The following SOX5 variants were observed in gnomAD, a reference collection of about 807,000 sequenced individuals.
SOX5 encodes the protein SRY-box transcription factor 5.
SOX5 carries 9 observed loss-of-function variants against 92.0 expected under a neutral mutation model. That is an observed-to-expected ratio of 0.10 (90% CI 0.06 to 0.17). SOX5 has a LOEUF of 0.17. SOX5 is among the 10% of genes least tolerant of loss of function. The probability of loss-of-function intolerance (pLI) is 1.00; values close to 1 mark genes in which losing one functional copy is unlikely to be tolerated. For synonymous variants in SOX5, 344 were observed against 336.3 expected, an observed-to-expected ratio of 1.02 and a Z score of -0.25; for missense variants, 642 against 944.5, an observed-to-expected ratio of 0.68 and a Z score of 4.20.
chr12:23,566,640 T>C (rs1195820723), intron 10 of SOX5, among the ~76,000 whole-genome samples: 2 of 152,342 alleles, frequency 1.3e-5, no homozygotes, highest in East Asian at 3.9e-4. Flanking sequence ...TTACTAGGTA[T>C]ATAAATTACA....
At chr12:24,038,380 T>C (rs1749489459) in intron 4 of SOX5, among the ~76,000 whole-genome samples, 1 of 152,184 alleles carries the variant, frequency 6.6e-6, no homozygotes, top group South Asian at 2.1e-4. Context: ...AATTGCTCTA[T>C]TGTGATTCCC....
chr12:24,208,397 C>G (rs1425512543), intron 4 of SOX5, among the ~76,000 whole-genome samples: 1 of 152,084 alleles, frequency 6.6e-6, no homozygotes, highest in Non-Finnish European at 1.5e-5. Flanking sequence ...TTATTTGAAC[C>G]CAACTTACCT....
At chr12:24,250,208 TTC>T (rs1939755356) in intron 3 of SOX5, among the ~76,000 whole-genome samples, 1 of 152,248 alleles carries the variant, frequency 6.6e-6, no homozygotes, top group South Asian at 2.1e-4. Context: ...AAAGTTTTTG[TTC>T]TGTTTAAATT....
intron 3 of SOX5, among the ~76,000 whole-genome samples, chr12:23,829,250 T>C (rs1257510088): frequency 6.6e-6 from 1 of 152,174 alleles, no homozygotes; most frequent in Non-Finnish European, 1.5e-5. Context: ...AATTTTAATA[T>C]GCACGGTCCT....
At position 24,545,706 on chromosome 12, in the gene SOX5, G is replaced by A. The variant is rs191486413; in HGVS notation, c.-251+16623C>T. On this transcript the variant is annotated intron_variant, in intron 1 of 4. Transcript: ENST00000446891. ...TGGATGCTGTGGTGCGCTGCCCAGC[G>A]GCACTTGCTCTCCCAGCTGCCAGGA... is the stretch of plus-strand genomic sequence containing the variant. Among the ~76,000 whole-genome samples, 12 of 152,296 alleles carry A rather than the reference G, an allele frequency of 7.9e-5. 1 individual carries two copies. In the East Asian group the frequency reaches 2.1e-3, roughly 27 times the overall value.
chr12:24,076,699 C>CTTTTTTTTTTTTTTTTTTT (rs11302877), intron 4 of SOX5, among the ~76,000 whole-genome samples: 1 of 102,882 alleles, frequency 9.7e-6, no homozygotes, highest in Non-Finnish European at 1.9e-5. Flanking sequence ...CCAAAGCTGC[C>CTTTTTTTTTTTTTTTTTTT]TTTTTTTTTT....
chr12:23,547,991 A>C (rs1291677719), intron 11 of SOX5, among the ~76,000 whole-genome samples: 1 of 152,086 alleles, frequency 6.6e-6, no homozygotes, highest in Non-Finnish European at 1.5e-5. Context: ...GTAGCTGTTA[A>C]AACAAAAGAC....
intron 6 of SOX5, among the ~76,000 whole-genome samples, chr12:23,670,168 A>G (rs1233423929): frequency 6.6e-6 from 1 of 152,196 alleles, no homozygotes; most frequent in Non-Finnish European, 1.5e-5. Context: ...TGAAAAACAA[A>G]CAAAACAAAA....
intron 3 of SOX5, among the ~76,000 whole-genome samples, chr12:24,273,113 G>T (rs905062867): frequency 1.3e-5 from 2 of 152,126 alleles, no homozygotes; most frequent in Admixed American, 1.3e-4. Flanking sequence ...ACATGTGCCT[G>T]TTAAGCGTGG....
intron 2 of SOX5, among the ~76,000 whole-genome samples, chr12:23,877,550 A>G (rs923292996): frequency 1.3e-5 from 2 of 152,162 alleles, no homozygotes. Flanking sequence ...ATGCGATATT[A>G]CTTCCTGGTA....
chr12:24,555,535 A>T (rs1953686853), intron 1 of SOX5, among the ~76,000 whole-genome samples: 3 of 152,208 alleles, frequency 2.0e-5, no homozygotes. Context: ...TTTTGTGAGT[A>T]CATCGAAAAG....
intron 4 of SOX5, among the ~76,000 whole-genome samples, chr12:23,998,590 G>A (rs1449379042): frequency 1.3e-5 from 2 of 151,866 alleles, no homozygotes; most frequent in Non-Finnish European, 2.9e-5. Context: ...GGATCACGAG[G>A]TCAGGAGTTC....
At chr12:24,405,458 G>A (rs1431185933) in intron 1 of SOX5, among the ~76,000 whole-genome samples, 1 of 152,088 alleles carries the variant, frequency 6.6e-6, no homozygotes, top group Non-Finnish European at 1.5e-5. Flanking sequence ...TGTGAGGTTC[G>A]AAAGCCTAAT....
At position 24,331,878 on chromosome 12, in the gene SOX5, A is replaced by T. The variant is rs1302854910; in HGVS notation, c.-174+36685T>A. Among the ~76,000 whole-genome samples the T allele has an allele frequency of 4.7e-5, 7 of 148,544 alleles. No homozygotes were observed. The East Asian group carries it at 1.4e-3, about 29-fold the overall frequency. On this transcript the variant is annotated intron_variant, in intron 2 of 4. Transcript: ENST00000446891. ...AAAAAAAAAAAAAAAAAAAAAAAGG[A>T]AAGAAATTTAAAATACAATCACTGA...
chr12:24,305,595 TTG>T (rs1176961562), intron 2 of SOX5, among the ~76,000 whole-genome samples: 1 of 152,102 alleles, frequency 6.6e-6, no homozygotes, highest in Non-Finnish European at 1.5e-5. Context: ...TTTTATTTAT[TTG>T]TGTGTGTGGT....
chr12:24,267,552 T>G (rs1303873911), intron 3 of SOX5, among the ~76,000 whole-genome samples: 1 of 152,172 alleles, frequency 6.6e-6, no homozygotes, highest in African/African-American at 2.4e-5. Flanking sequence ...TGAGCAACAC[T>G]TCCACTGACA....
At chr12:23,833,434 T>C (rs1300834055) in intron 3 of SOX5, among the ~76,000 whole-genome samples, 2 of 151,962 alleles carry the variant, frequency 1.3e-5, no homozygotes, top group Non-Finnish European at 2.9e-5. Context: ...AGTTACAGCT[T>C]TAAATTCTAG....
intron 1 of SOX5, among the ~76,000 whole-genome samples, chr12:23,948,819 T>C (rs1041441713): frequency 6.6e-6 from 1 of 152,136 alleles, no homozygotes; most frequent in African/African-American, 2.4e-5. Flanking sequence ...CTGCAGATAT[T>C]TCTCTAAATA....
At chr12:23,665,629 T>G in intron 6 of SOX5, 65 bp from the exon 7 acceptor site, 1 of 1,512,368 alleles carries the variant, frequency 6.6e-7, no homozygotes, top group Non-Finnish European at 8.9e-7. Context: ...CTTCCCACCC[T>G]CCTTATTTCA....
Sources: allele counts gnomAD v4.1 joint callset (sites outside exome capture counted in the v4.1 genomes callset), GRCh38; gene constraint gnomAD v4.1.1; transcripts MANE v1.5; gene names NCBI Gene and HGNC (gene_info 2026-07-23, HGNC 2026-07-21).